The following RBM22 variants were observed in gnomAD, a reference collection of about 807,000 sequenced individuals.
RBM22 encodes the protein RNA binding motif protein 22, also known as pre-mRNA-splicing factor RBM22.
RBM22 carries 1 observed loss-of-function variant against 50.1 expected under a neutral mutation model. The ratio of observed to expected loss-of-function variants is 0.02; its 90% CI spans 0.01 to 0.09. RBM22 has a LOEUF of 0.09. Ranked by LOEUF, RBM22 falls within the 10% of genes least tolerant of loss-of-function variation. The pLI, the probability that RBM22 is intolerant of heterozygous loss-of-function variation, is 1.00. For synonymous variants in RBM22, 152 were observed against 179.0 expected, an observed-to-expected ratio of 0.85 and a Z score of 1.20; for missense variants, 264 against 529.3, an observed-to-expected ratio of 0.50 and a Z score of 4.92.
At chr5:150,693,946 T>A in intron 8 of RBM22, 130 bp downstream of exon 8, 1 of 1,203,814 alleles carries the variant, frequency 8.3e-7, no homozygotes, top group Non-Finnish European at 1.2e-6. Context: ...TAGAGAGTGA[T>A]CTTTGAAAGA....
intron 10 of RBM22, 91 bp from the exon 11 acceptor site, chr5:150,691,972 C>T (rs1581544832): frequency 7.7e-7 from 1 of 1,298,980 alleles, no homozygotes; most frequent in Non-Finnish European, 1.0e-6. Context: ...AAACCACCTA[C>T]ACATAAATCA....
chr5:150,698,364 G>T (rs1334469500), intron 4 of RBM22, 135 bp downstream of exon 4: 3 of 1,174,400 alleles, frequency 2.6e-6, no homozygotes, highest in Non-Finnish European at 3.6e-6. Context: ...TTCTTTTCCT[G>T]GGAAAAGCAG....
intron 7 of RBM22, 200 bp from the exon 8 acceptor site, chr5:150,694,440 G>A (rs1759248209): frequency 1.2e-6 from 1 of 816,612 alleles, no homozygotes; most frequent in Non-Finnish European, 1.7e-6. Flanking sequence ...GAAAAATAAT[G>A]AGTAAATAAA....
chr5:150,693,104 G>C, intron 9 of RBM22, 78 bp from the exon 10 acceptor site: 1 of 1,549,780 alleles, frequency 6.5e-7, no homozygotes, highest in Non-Finnish European at 8.8e-7. Context: ...TACATTCTCA[G>C]AGGTCCTACT....
In RBM22 at chr5:150,700,978, G is replaced by A; in HGVS notation, c.8C>T (p.Thr3Ile). Residue 3 changes from threonine (T) to isoleucine (I), a missense_variant, in exon 1 of 11, where the codon ACC (threonine) becomes ATC (isoleucine). By Grantham distance (89) the Thr-to-Ile change is moderately conservative. Coordinates refer to ENST00000199814, the MANE Select transcript of RBM22 (RefSeq NM_018047.3). ...GTTGTAGGTGTTGGAACCCAGAGAG[G>A]TCGCCATCTTGAGAGCGTCCGGAGG... MATSLGSNTYNRQ... is the reference protein window; with the variant it reads MAISLGSNTYNRQ... 6.2e-7 allele frequency: 1 copy of A among 1,614,234 alleles called. No individual in the cohort carries two copies. The highest frequency in any genetic ancestry group is 8.5e-7 in the Non-Finnish European group (1 of 1,180,038).
chr5:150,700,546 A>T (rs1284422586), intron 1 of RBM22, 49 bp from the exon 2 acceptor site: 3 of 1,613,266 alleles, frequency 1.9e-6, no homozygotes, highest in Non-Finnish European at 2.5e-6. Flanking sequence ...GAAGACCCTG[A>T]CACCTCAGTG....
At chr5:150,697,604 G>A (rs1581547773) in intron 4 of RBM22, 2 of 181,332 alleles carry the variant, frequency 1.1e-5, no homozygotes, top group African/African-American at 4.8e-5. Context: ...GTCATCTAAG[G>A]GTCACTGTAC....
At position 150,696,695 on chromosome 5, in the gene RBM22, G is replaced by A. The variant is rs772476557; in HGVS notation, c.383C>T (p.Ser128Phe). The A allele has an allele frequency of 6.2e-7, 1 of 1,614,204 alleles. No homozygotes were observed. The highest frequency in any genetic ancestry group is 1.1e-5 in the South Asian group (1 of 91,086). ...TQNMEREISN[S>F]DGTRPVGMLG... ...CATGCCAACTGGCCGTGTTCCATCA[G>A]AGTTAGAAATCTAAGTGGGGATGAC... is the stretch of plus-strand genomic sequence containing the variant. The change falls in exon 6 of 11, where the codon TCT becomes TTT. Residue 128 changes from serine (S) to phenylalanine (F), a missense_variant. Around this residue, in one of 7 missense-constraint regions of RBM22, gnomAD observed 44 missense variants for 57.9 expected, o/e 0.76. Transcript: ENST00000199814. The surrounding 1 kb of genome is among the most constrained non-coding windows in gnomAD (Gnocchi z 4.3).
At position 150,696,740 on chromosome 5, in the gene RBM22, T is replaced by C. The variant is rs924221158; in HGVS notation, c.373-35A>G. ...GATGACAAATTCAAAAGATAAATTA[T>C]ACAGACTGTGTCAATTCATTAGGAT... On this transcript the variant is annotated intron_variant, in intron 5 of 10. Transcript: ENST00000199814. The surrounding 1 kb of genome is among the most constrained non-coding windows in gnomAD (Gnocchi z 4.3). 8 of 1,613,814 alleles carry C rather than the reference T, an allele frequency of 5.0e-6. No individual in the cohort carries two copies. The highest frequency in any genetic ancestry group is 4.0e-5 in the African/African-American group (3 of 74,932).
Position 150,696,775 on chromosome 5 carries a change from A to G in RBM22, c.372+16T>C, listed in dbSNP as rs1299327451. 1 of 1,613,860 alleles carries G rather than the reference A, an allele frequency of 6.2e-7. No individual in the cohort carries two copies. The highest frequency in any genetic ancestry group is 1.1e-5 in the South Asian group (1 of 91,080). On this transcript the variant is annotated intron_variant, in intron 5 of 10. Coordinates refer to ENST00000199814, the MANE Select transcript of RBM22 (RefSeq NM_018047.3). The surrounding 1 kb of genome is among the most constrained non-coding windows in gnomAD (Gnocchi z 4.3). ...GTCAATTCATTAGGATTTTTATCCA[A>G]AAAGTGGCAGCATACCTCTCTCTCC...
chr5:150,700,403 C>A, intron 2 of RBM22, 41 bp downstream of exon 2: 7 of 1,560,992 alleles, frequency 4.5e-6, no homozygotes, highest in Non-Finnish European at 5.3e-6. Context: ...ACCACAACAT[C>A]GACAGGACAT....
intron 10 of RBM22, among the ~76,000 whole-genome samples, chr5:150,692,489 A>G (rs373985480): frequency 2.0e-5 from 3 of 152,182 alleles, no homozygotes; most frequent in Non-Finnish European, 4.4e-5. Flanking sequence ...CAATGAAGGA[A>G]GGGGTTCACT....
At chr5:150,697,064 G>A (rs747632977) in intron 4 of RBM22, among the ~76,000 whole-genome samples, 173 bp from the exon 5 acceptor site, 13 of 152,096 alleles carry the variant, frequency 8.5e-5, no homozygotes, top group Non-Finnish European at 1.6e-4. Flanking sequence ...CTGCTACACA[G>A]CATGCTAAGA....
intron 3 of RBM22, among the ~76,000 whole-genome samples, chr5:150,698,835 C>T (rs1759308714): frequency 6.6e-6 from 1 of 152,110 alleles, no homozygotes. Context: ...AATGAAATAG[C>T]CAAAGGGTCA....
intron 1 of RBM22, 131 bp from the exon 2 acceptor site, chr5:150,700,628 C>A (rs763021974): frequency 6.5e-7 from 1 of 1,542,134 alleles, no homozygotes. Flanking sequence ...AAGTCCATCA[C>A]GACCCGATCG....
chr5:150,694,366 C>A, intron 7 of RBM22, 126 bp from the exon 8 acceptor site: 1 of 1,407,464 alleles, frequency 7.1e-7, no homozygotes, highest in African/African-American at 1.5e-5. Context: ...ATCTGCCTAA[C>A]TACCCGCAGG....
At chr5:150,693,060 G>C (rs202104499) in intron 9 of RBM22, 34 bp from the exon 10 acceptor site, 8 of 1,585,348 alleles carry the variant, frequency 5.0e-6, no homozygotes, top group East Asian at 2.2e-5. Flanking sequence ...ACATAGAGGG[G>C]AGAACAATTG....
chr5:150,691,908 T>C (rs1759214386), intron 10 of RBM22, 27 bp from the exon 11 acceptor site: 1 of 1,492,200 alleles, frequency 6.7e-7, no homozygotes, highest in Non-Finnish European at 9.0e-7. Context: ...ACAAATGTGT[T>C]AGGCTGGTAG....
intron 8 of RBM22, 90 bp downstream of exon 8, chr5:150,693,986 T>C (rs1301570307): frequency 7.4e-6 from 11 of 1,478,106 alleles, no homozygotes; most frequent in African/African-American, 1.4e-5. Context: ...CATTTAAGCC[T>C]GTTAACCAAA....
Sources: gnomAD v4.1 joint callset for allele counts (sites outside exome capture counted in the v4.1 genomes callset) on GRCh38, gnomAD v4.1.1 for gene constraint, gnomAD v4.1.1 regional missense constraint, Gnocchi (gnomAD v3.1) non-coding constraint, MANE v1.5 for transcripts, NCBI Gene and HGNC (gene_info 2026-07-23, HGNC 2026-07-21) for gene names.